Variants in LARP1B observed in about 807,000 individuals in gnomAD.
LARP1B encodes La ribonucleoprotein 1B.
Under a neutral mutation model 114.2 loss-of-function variants are expected in LARP1B, and 76 were observed. The ratio of observed to expected loss-of-function variants is 0.67; its 90% CI spans 0.55 to 0.81. LARP1B has a LOEUF of 0.81. Ranked by LOEUF, LARP1B falls within the 30% of genes least tolerant of loss-of-function variation. The pLI is 0.00. For missense variants in LARP1B, 1,014 were observed against 1,075.8 expected (o/e 0.94, Z 0.80); for synonymous variants, 345 against 348.0 (o/e 0.99, Z 0.10).
At chr4:128,072,475 A>T (rs1382849278) in intron 1 of LARP1B, among the ~76,000 whole-genome samples, 1 of 152,166 alleles carries the variant, frequency 6.6e-6, no homozygotes, top group Non-Finnish European at 1.5e-5. Context: ...AATGACATGC[A>T]GCATGATTTC....
At chr4:128,212,912 C>CTTTTTTTTTTTTTTTTTTTTTTTTTTTT (rs1174891101), downstream of LARP1B, among the ~76,000 whole-genome samples, 1 of 83,740 alleles carries the variant, frequency 1.2e-5, no homozygotes. Context: ...AAATCTCTCT[C>CTTTTTTTTTTTTTTTTTTTTTTTTTTTT]TTTTTTTTTT....
At chr4:128,093,372 G>A (rs368293688) in intron 7 of LARP1B, among the ~76,000 whole-genome samples, 8 of 152,038 alleles carry the variant, frequency 5.3e-5, no homozygotes, top group African/African-American at 1.2e-4. Context: ...CGAGGCGGGC[G>A]GATCACGAGG....
chr4:128,140,336 T>G (rs1561380018), intron 11 of LARP1B, among the ~76,000 whole-genome samples: 1 of 152,128 alleles, frequency 6.6e-6, no homozygotes, highest in African/African-American at 2.4e-5. Context: ...GAAAAGTAGC[T>G]ATATAGTAGA....
At chr4:128,153,143 C>T (rs1249870459) in intron 11 of LARP1B, among the ~76,000 whole-genome samples, 1 of 150,884 alleles carries the variant, frequency 6.6e-6, no homozygotes, top group Admixed American at 6.6e-5. Flanking sequence ...CCAGCACACC[C>T]AGCTCATTTT....
chr4:128,074,959 A>G lies in LARP1B; in HGVS notation c.8A>G (p.Asn3Ser), dbSNP rs776374874. Residue 3 changes from asparagine (N) to serine (S), a missense_variant, in exon 3 of 20, where the codon AAT becomes AGT. Physicochemically the swap from Asn to Ser is conservative, Grantham distance 46. Transcript: ENST00000326639. Reference sequence around the variant, plus strand: ...GCTAGTGATTTCAGTGATATGGAGAATTGGCCAACACCAAGTGAATTAGTG... The same window carrying G: ...GCTAGTGATTTCAGTGATATGGAGAGTTGGCCAACACCAAGTGAATTAGTG... ME[N>S]WPTPSELVNT... 6.2e-6 allele frequency: 10 copies of G among 1,607,128 alleles called. No individual in the cohort carries two copies. The highest frequency in any genetic ancestry group is 8.5e-6 in the Non-Finnish European group (10 of 1,174,098).
At chr4:128,213,350 A>T (rs987956904), downstream of LARP1B, among the ~76,000 whole-genome samples, 1 of 152,176 alleles carries the variant, frequency 6.6e-6, no homozygotes, top group South Asian at 2.1e-4. Context: ...TATTGTTTGT[A>T]GATTGCTTGA....
chr4:128,186,895 T>TA (rs1248905849), intron 15 of LARP1B, among the ~76,000 whole-genome samples: 1 of 152,174 alleles, frequency 6.6e-6, no homozygotes, highest in Non-Finnish European at 1.5e-5. Context: ...GGGGCCCAGA[T>TA]ACAGCTTGGG....
rs111918871 is a variant in LARP1B at position 128,108,375 on chromosome 4, A to G, written c.988+1062A>G. 1.9e-4 allele frequency: 186 copies of G among 988,436 alleles called. 2 individuals are homozygous for G. The African/African-American group carries it at 3.0e-3, about 16-fold the overall frequency. The allele number at this position is 988,436 out of a possible 1,614,324, so 61.2% of individuals were successfully genotyped here. A position where few individuals can be genotyped will look rare whatever the true frequency, so the allele number is the denominator to read the frequency against. On this transcript the variant is annotated intron_variant, in intron 9 of 19. Coordinates refer to ENST00000326639, the MANE Select transcript of LARP1B (RefSeq NM_018078.4). ...GTAGTGTACATTGTAAAACTCAGAT[A>G]TTGTCATGATGTTTCACTTGGACAT... is the stretch of plus-strand genomic sequence containing the variant.
chr4:128,072,838 G>A (rs767000953), intron 1 of LARP1B, among the ~76,000 whole-genome samples: 3 of 152,150 alleles, frequency 2.0e-5, no homozygotes, highest in African/African-American at 4.8e-5. Flanking sequence ...GATTACAGGT[G>A]TGAGCCACTG....
At chr4:128,149,915 G>A (rs1282298111) in intron 11 of LARP1B, among the ~76,000 whole-genome samples, 1 of 152,190 alleles carries the variant, frequency 6.6e-6, no homozygotes, top group Non-Finnish European at 1.5e-5. Flanking sequence ...CATTTTGGGA[G>A]GCAGAGGCAG....
intron 11 of LARP1B, among the ~76,000 whole-genome samples, chr4:128,161,313 T>G (rs1034269985): frequency 2.0e-5 from 3 of 152,052 alleles, no homozygotes; most frequent in Admixed American, 2.0e-4. Flanking sequence ...CTCCACACAT[T>G]TGTAGGTCAG....
At chr4:128,099,217 T>C (rs1233596764) in intron 8 of LARP1B, among the ~76,000 whole-genome samples, 1 of 151,342 alleles carries the variant, frequency 6.6e-6, no homozygotes. Flanking sequence ...TCTTTTTTTT[T>C]CTAGCCAATT....
chr4:128,155,652 G>A lies in LARP1B; in HGVS notation c.1525-6542G>A, dbSNP rs142346019. 8.3e-3 allele frequency: 12,706 copies of A among 1,533,836 alleles called. 89 individuals are homozygous for A. Among genetic ancestry groups the A allele is most frequent in the Middle Eastern group, 0.011 (62 of 5,858 alleles). On this transcript the variant is annotated intron_variant, in intron 11 of 19. Transcript: ENST00000326639. The stretch of plus-strand genomic sequence containing the variant: ...CAGGAGCCATCCGGGCCCTGGGGCC[G>A]CCTCCAGTGGTGTGTCCAAGGCCTT...
chr4:128,119,853 G>A (rs956648708), intron 10 of LARP1B, among the ~76,000 whole-genome samples: 7 of 152,038 alleles, frequency 4.6e-5, no homozygotes, highest in African/African-American at 1.7e-4. Context: ...TTTGCACTGT[G>A]TATTATTACT....
At chr4:128,173,119 T>G (rs192885820) in intron 12 of LARP1B, among the ~76,000 whole-genome samples, 8 of 152,222 alleles carry the variant, frequency 5.3e-5, no homozygotes, top group Non-Finnish European at 1.0e-4. Context: ...TATGATTTTG[T>G]TTTTTTGCTA....
intron 15 of LARP1B, among the ~76,000 whole-genome samples, chr4:128,194,150 G>C (rs1753223520): frequency 6.6e-6 from 1 of 151,840 alleles, no homozygotes; most frequent in African/African-American, 2.4e-5. Context: ...TCAGCTCACT[G>C]CAACCTCCAC....
intron 10 of LARP1B, among the ~76,000 whole-genome samples, chr4:128,118,324 C>T (rs541390137): frequency 1.9e-4 from 28 of 149,252 alleles, no homozygotes; most frequent in Admixed American, 1.7e-3. Flanking sequence ...CTTCACCTCC[C>T]GGGTTCATGC....
At chr4:128,185,015 C>T (rs968551773) in intron 15 of LARP1B, among the ~76,000 whole-genome samples, 11 of 151,964 alleles carry the variant, frequency 7.2e-5, no homozygotes, top group African/African-American at 2.2e-4. Flanking sequence ...CATATATACA[C>T]ATATACATAC....
intron 15 of LARP1B, among the ~76,000 whole-genome samples, chr4:128,187,516 G>A (rs957536926): frequency 2.0e-5 from 3 of 152,190 alleles, no homozygotes; most frequent in Non-Finnish European, 4.4e-5. Context: ...TACCTCCATT[G>A]TATCTTGGAA....
Sources: allele counts gnomAD v4.1 joint callset (sites outside exome capture counted in the v4.1 genomes callset), GRCh38; gene constraint gnomAD v4.1.1; transcripts MANE v1.5; gene names NCBI Gene and HGNC (gene_info 2026-07-23, HGNC 2026-07-21).